Variants in PPP1R12B observed in about 807,000 individuals in gnomAD.
The protein encoded by PPP1R12B is protein phosphatase 1 regulatory subunit 12B, also known as myosin phosphatase target subunit 2.
A neutral mutation model predicts 126.1 loss-of-function variants in PPP1R12B; 76 were observed. That is an observed-to-expected ratio of 0.60 (90% CI 0.50 to 0.73). PPP1R12B has a LOEUF of 0.73. Ranked by LOEUF, PPP1R12B falls within the 30% of genes least tolerant of loss-of-function variation. PPP1R12B has a pLI of 0.00. For missense variants in PPP1R12B, 1,052 were observed against 1,205.1 expected, an observed-to-expected ratio of 0.87 and a Z score of 1.88; for synonymous variants, 356 against 434.7, an observed-to-expected ratio of 0.82 and a Z score of 2.25.
At chr1:202,553,828 C>G (rs1347215357) in intron 18 of PPP1R12B, among the ~76,000 whole-genome samples, 1 of 152,064 alleles carries the variant, frequency 6.6e-6, no homozygotes, top group African/African-American at 2.4e-5. Flanking sequence ...TTCTGCTTGC[C>G]TCTTCTGATG....
intron 1 of PPP1R12B, among the ~76,000 whole-genome samples, chr1:202,370,794 T>G (rs559087443): frequency 1.8e-4 from 28 of 152,242 alleles, no homozygotes; most frequent in Non-Finnish European, 3.4e-4. Context: ...TGCCTCAGCC[T>G]CCTAAAGTGC....
Position 202,449,144 on chromosome 1 carries a change from C to G in PPP1R12B, c.1823C>G (p.Ser608Cys), listed in dbSNP as rs1253191876. 3 of 1,611,330 alleles carry G rather than the reference C, an allele frequency of 1.9e-6. No individual in the cohort carries two copies. Among genetic ancestry groups the G allele is most frequent in the East Asian group, 2.2e-5 (1 of 44,870 alleles). The change falls in exon 13 of 24, where the codon TCC (serine) becomes TGC (cysteine). Residue 608 changes from serine to cysteine, a missense_variant. Coordinates refer to ENST00000608999, the MANE Select transcript of PPP1R12B (RefSeq NM_002481.4). The stretch of plus-strand genomic sequence containing the variant: ...GTGCTCTCCATTACTGGAACAGATT[C>G]CTCTGTGGAAGCCAGGGAGAAGAGG... Reference protein sequence around the residue: ...TPVLSITGTDSSVEAREKRRS... With the variant: ...TPVLSITGTDCSVEAREKRRS...
At chr1:202,457,783 A>G (rs1673827771) in intron 13 of PPP1R12B, among the ~76,000 whole-genome samples, 1 of 152,174 alleles carries the variant, frequency 6.6e-6, no homozygotes, top group African/African-American at 2.4e-5. Flanking sequence ...TTGAAAGGCA[A>G]CTTTAAGTTA....
intron 13 of PPP1R12B, among the ~76,000 whole-genome samples, chr1:202,479,019 G>GTA (rs930789905): frequency 6.6e-6 from 1 of 152,230 alleles, no homozygotes; most frequent in Non-Finnish European, 1.5e-5. Flanking sequence ...TAACACGTGA[G>GTA]TAGGTTTGCT....
intron 13 of PPP1R12B, among the ~76,000 whole-genome samples, chr1:202,459,620 A>G (rs758342115): frequency 6.6e-6 from 1 of 152,168 alleles, no homozygotes; most frequent in Non-Finnish European, 1.5e-5. Flanking sequence ...CTATTTTACA[A>G]ATGGGAATGC....
At chr1:202,464,745 C>T (rs1312726008) in intron 13 of PPP1R12B, among the ~76,000 whole-genome samples, 1 of 152,168 alleles carries the variant, frequency 6.6e-6, no homozygotes, top group Non-Finnish European at 1.5e-5. Flanking sequence ...TAATAGCATT[C>T]TAAGTCATCA....
In PPP1R12B at chr1:202,590,157, C is replaced by CT. The variant is rs982415968; in HGVS notation, c.*9601dup. 4 of 152,196 alleles carry CT rather than the reference C, an allele frequency of 2.6e-5. No homozygotes were observed. Among genetic ancestry groups the CT allele is most frequent in the Non-Finnish European group, 5.9e-5 (4 of 68,034 alleles). 9.4% of individuals were successfully genotyped at this position (152,196 alleles called of 1,614,324 possible). A position where few individuals can be genotyped will look rare whatever the true frequency, so the allele number is the denominator to read the frequency against. Reference sequence around the variant, plus strand: ...ACTGAGGACTTTGTAGAAATTGTTACTTTTCAAATTCCCACTTCCCAGGGC... The same window carrying CT: ...ACTGAGGACTTTGTAGAAATTGTTACTTTTTCAAATTCCCACTTCCCAGGGC... On this transcript the variant is annotated 3_prime_UTR_variant, in exon 24 of 24. Transcript: ENST00000608999.
chr1:202,486,844 C>A (rs1678202953), intron 13 of PPP1R12B, among the ~76,000 whole-genome samples: 1 of 152,092 alleles, frequency 6.6e-6, no homozygotes, highest in Non-Finnish European at 1.5e-5. Flanking sequence ...CACTGTAAAC[C>A]CAGATGACTT....
Position 202,370,585 on chromosome 1 carries a change from G to A in PPP1R12B, c.291+21443G>A, listed in dbSNP as rs985813829. Among the ~76,000 whole-genome samples the A allele has an allele frequency of 3.3e-5, 5 of 151,990 alleles. 1 individual carries two copies. ...TGGAGTCTTACTCTGTCACTAGGCT[G>A]GAGTGCAGTGGCACGATCTCAGCTC... On this transcript the variant is annotated intron_variant, in intron 1 of 23. Coordinates refer to ENST00000608999, the MANE Select transcript of PPP1R12B (RefSeq NM_002481.4).
At chr1:202,426,664 A>G (rs1160494429) in intron 4 of PPP1R12B, among the ~76,000 whole-genome samples, 2 of 152,234 alleles carry the variant, frequency 1.3e-5, no homozygotes, top group African/African-American at 4.8e-5. Flanking sequence ...TAGAGTCTTC[A>G]TTTTATATGT....
At chr1:202,362,952 G>GC (rs1431359375) in intron 1 of PPP1R12B, among the ~76,000 whole-genome samples, 1 of 152,092 alleles carries the variant, frequency 6.6e-6, no homozygotes, top group African/African-American at 2.4e-5. Flanking sequence ...TTGTGCCTCA[G>GC]CCCCCTGAGT....
chr1:202,488,321 A>C (rs1302174797), intron 13 of PPP1R12B, among the ~76,000 whole-genome samples: 1 of 152,236 alleles, frequency 6.6e-6, no homozygotes, highest in Non-Finnish European at 1.5e-5. Context: ...TACTGAAACC[A>C]CAGAAAGCAA....
Position 202,437,870 on chromosome 1 carries a change from C to T in PPP1R12B, c.1304C>T (p.Pro435Leu), listed in dbSNP as rs1671040955. The T allele has an allele frequency of 6.2e-7, 1 of 1,613,852 alleles. No homozygotes were observed. Among genetic ancestry groups the T allele is most frequent in the Non-Finnish European group, 8.5e-7 (1 of 1,179,860 alleles). The change falls in exon 10 of 24, where the codon CCT becomes CTT. Residue 435 changes from proline to leucine, a missense_variant. Coordinates refer to ENST00000608999, the MANE Select transcript of PPP1R12B (RefSeq NM_002481.4). ...NKPEEPKDES[P>L]SSWRLGLRKT... ...CCAGAAGAGCCCAAAGATGAATCTC[C>T]TTCTTCATGGAGATTGGGACTGAGA... is the stretch of plus-strand genomic sequence containing the variant.
chr1:202,491,882 C>T (rs1349623893), intron 14 of PPP1R12B, among the ~76,000 whole-genome samples: 1 of 152,218 alleles, frequency 6.6e-6, no homozygotes, highest in Non-Finnish European at 1.5e-5. Flanking sequence ...AAAATCTAAG[C>T]TTCTTAGCAT....
intron 1 of PPP1R12B, among the ~76,000 whole-genome samples, chr1:202,352,340 A>C (rs1429640519): frequency 2.0e-5 from 3 of 152,234 alleles, no homozygotes; most frequent in Non-Finnish European, 4.4e-5. Context: ...CTAGGCCTAG[A>C]TACATGATAT....
intron 1 of PPP1R12B, among the ~76,000 whole-genome samples, chr1:202,387,437 GTC>G (rs1326478616): frequency 6.6e-6 from 1 of 152,132 alleles, no homozygotes; most frequent in Non-Finnish European, 1.5e-5. Flanking sequence ...AAGGAGTGAG[GTC>G]TCTGTTGGTA....
intron 18 of PPP1R12B, among the ~76,000 whole-genome samples, chr1:202,553,774 C>T (rs1257101345): frequency 2.0e-5 from 3 of 152,096 alleles, no homozygotes; most frequent in African/African-American, 7.2e-5. Context: ...TCTTAGAATC[C>T]TCTTCTCTGG....
intron 1 of PPP1R12B, among the ~76,000 whole-genome samples, chr1:202,363,841 A>G (rs952053529): frequency 1.3e-5 from 2 of 152,226 alleles, no homozygotes; most frequent in Non-Finnish European, 2.9e-5. Flanking sequence ...GGCTCACTGC[A>G]GCCTCTGCCT....
Position 202,349,006 on chromosome 1 carries a change from C to T in PPP1R12B, c.155C>T (p.Pro52Leu). 1 of 1,608,864 alleles carries T rather than the reference C, an allele frequency of 6.2e-7. No individual in the cohort carries two copies. Among genetic ancestry groups the T allele is most frequent in the Non-Finnish European group, 8.5e-7 (1 of 1,178,056 alleles). Reference protein sequence around the residue: ...GRQPLTRRGSPRVRFEDGAVF... With the variant: ...GRQPLTRRGSLRVRFEDGAVF... ...CAGCCGCTGACCAGGCGCGGGAGCC[C>T]CAGGGTCCGCTTCGAGGACGGTGCT... Residue 52 changes from proline (P) to leucine (L), a missense_variant, in exon 1 of 24, where the codon CCC becomes CTC. Transcript: ENST00000608999.
Sources: allele counts gnomAD v4.1 joint callset (sites outside exome capture counted in the v4.1 genomes callset), GRCh38; gene constraint gnomAD v4.1.1; transcripts MANE v1.5; gene names NCBI Gene and HGNC (gene_info 2026-07-23, HGNC 2026-07-21).